Variants in PAN3 observed in about 807,000 individuals in gnomAD.
PAN3 encodes PAN2-PAN3 deadenylation complex subunit PAN3.
A neutral mutation model predicts 96.2 loss-of-function variants in PAN3; 19 were observed. That is an observed-to-expected ratio of 0.20 (90% CI 0.14 to 0.29). The LOEUF is 0.29. Among genes scored for constraint, PAN3 ranks in the 10% least tolerant of loss-of-function variants. The pLI is 1.00. For missense variants in PAN3, 882 were observed against 1,108.1 expected (o/e 0.80, Z 2.90); for synonymous variants, 433 against 406.6 (o/e 1.06, Z -0.78).
At chr13:28,246,508 T>C (rs1170290911) in intron 6 of PAN3, among the ~76,000 whole-genome samples, 1 of 152,132 alleles carries the variant, frequency 6.6e-6, no homozygotes, top group Non-Finnish European at 1.5e-5. Context: ...CCTCCTATAC[T>C]ATTGAACCCT....
At chr13:28,204,491 T>A (rs182224031) in intron 5 of PAN3, among the ~76,000 whole-genome samples, 5 of 152,290 alleles carry the variant, frequency 3.3e-5, no homozygotes, top group Non-Finnish European at 7.4e-5. Flanking sequence ...TCTCCTAAAG[T>A]TGATGTTTGT....
chr13:28,220,630 G>T (rs1266558493), intron 6 of PAN3, among the ~76,000 whole-genome samples: 3 of 152,146 alleles, frequency 2.0e-5, no homozygotes, highest in African/African-American at 7.2e-5. Context: ...AGGGGAAATG[G>T]TTATTTAGGA....
chr13:28,277,003 T>A (rs1021207379), intron 14 of PAN3, among the ~76,000 whole-genome samples: 1 of 152,136 alleles, frequency 6.6e-6, no homozygotes, highest in Non-Finnish European at 1.5e-5. Context: ...ATTACCTGGG[T>A]GCTTTAAAAA....
At chr13:28,211,831 G>A (rs187624311) in intron 5 of PAN3, among the ~76,000 whole-genome samples, 52 of 152,286 alleles carry the variant, frequency 3.4e-4, no homozygotes, top group African/African-American at 1.2e-3. Context: ...CTGAGAGATG[G>A]AAAACAAATG....
chr13:28,248,940 T>A lies in PAN3; in HGVS notation c.1001-7352T>A, dbSNP rs1415945084. Among the ~76,000 whole-genome samples the A allele has an allele frequency of 2.0e-5, 3 of 152,224 alleles. No homozygotes were observed. The South Asian group carries it at 6.2e-4, about 31-fold the overall frequency. ...AGGGATGTTAAATATTGGCAAATAT[T>A]TTTTTCAACATCTGTTGAACTGACC... On this transcript the variant is annotated intron_variant, in intron 6 of 18. Coordinates refer to ENST00000380958, the MANE Select transcript of PAN3 (RefSeq NM_175854.8).
intron 5 of PAN3, among the ~76,000 whole-genome samples, chr13:28,212,571 A>G (rs752736181): frequency 2.6e-5 from 4 of 152,262 alleles, no homozygotes; most frequent in Non-Finnish European, 5.9e-5. Flanking sequence ...AATAATTATT[A>G]TAACTGTATT....
intron 18 of PAN3, among the ~76,000 whole-genome samples, chr13:28,289,806 C>T (rs1255290318): frequency 2.0e-5 from 3 of 152,044 alleles, no homozygotes; most frequent in East Asian, 3.9e-4. Context: ...GGCGTGAACC[C>T]GGGAGGCGGA....
chr13:28,177,789 T>C (rs1875228861), intron 3 of PAN3, 76 bp from the exon 4 acceptor site: 1 of 1,160,692 alleles, frequency 8.6e-7, no homozygotes, highest in African/African-American at 1.5e-5. Flanking sequence ...TTATAGGCAT[T>C]GTCAAATTAA....
intron 1 of PAN3, among the ~76,000 whole-genome samples, chr13:28,173,437 TA>T (rs1874560532): frequency 6.6e-6 from 1 of 152,206 alleles, no homozygotes; most frequent in Non-Finnish European, 1.5e-5. Flanking sequence ...TTTTTGTAAT[TA>T]TAAATGCAGT....
chr13:28,165,638 A>C (rs923835813), intron 1 of PAN3, among the ~76,000 whole-genome samples: 1 of 152,128 alleles, frequency 6.6e-6, no homozygotes, highest in Non-Finnish European at 1.5e-5. Context: ...TTATTATTCT[A>C]TAGTGTCTTA....
intron 5 of PAN3, among the ~76,000 whole-genome samples, chr13:28,218,313 G>C (rs564302868): frequency 6.6e-6 from 1 of 151,900 alleles, no homozygotes; most frequent in African/African-American, 2.4e-5. Flanking sequence ...GTGTGCTGTT[G>C]TACCTGAATC....
At chr13:28,174,416 T>C (rs1239418372) in intron 2 of PAN3, 23 bp downstream of exon 2, 1 of 1,608,784 alleles carries the variant, frequency 6.2e-7, no homozygotes, top group Non-Finnish European at 8.5e-7. Context: ...TAAATTCATA[T>C]TGCACTATGA....
chr13:28,283,615 C>T (rs893123940), intron 17 of PAN3, among the ~76,000 whole-genome samples: 3 of 152,038 alleles, frequency 2.0e-5, no homozygotes, highest in Non-Finnish European at 2.9e-5. Flanking sequence ...ATCATAACAG[C>T]GTGTTTTAGA....
chr13:28,281,766 C>CTTTTT (rs10707261), intron 17 of PAN3, among the ~76,000 whole-genome samples: 20 of 114,962 alleles, frequency 1.7e-4, no homozygotes, highest in Non-Finnish European at 1.8e-4. Context: ...TTAAAGCACA[C>CTTTTT]TTTTTTTTTT....
chr13:28,146,269 C>T (rs995344536), intron 1 of PAN3, among the ~76,000 whole-genome samples: 23 of 149,820 alleles, frequency 1.5e-4, no homozygotes, highest in Non-Finnish European at 1.5e-4. Context: ...ACCATATATA[C>T]CTAAATATAT....
intron 6 of PAN3, among the ~76,000 whole-genome samples, chr13:28,254,989 G>A (rs902209413): frequency 3.3e-5 from 5 of 152,046 alleles, no homozygotes; most frequent in Admixed American, 2.6e-4. Flanking sequence ...AAGTACAGAG[G>A]GCTATCCAAA....
At position 28,149,216 on chromosome 13, in the gene PAN3, C is replaced by T. The variant is rs145780601; in HGVS notation, c.430+10129C>T. ...CTAAAAATAAAAAAAATTAGCTAGG[C>T]TTGGTGGTGCACCTGTAGTCCCAGC... On this transcript the variant is annotated intron_variant, in intron 1 of 18. Coordinates refer to ENST00000380958, the MANE Select transcript of PAN3 (RefSeq NM_175854.8). Among the ~76,000 whole-genome samples the T allele has an allele frequency of 1.4e-3, 219 of 152,124 alleles. 1 individual carries two copies. The highest frequency in any genetic ancestry group is 4.8e-3 in the African/African-American group (201 of 41,500).
At chr13:28,171,680 G>A (rs1281214132) in intron 1 of PAN3, among the ~76,000 whole-genome samples, 4 of 152,212 alleles carry the variant, frequency 2.6e-5, no homozygotes, top group African/African-American at 9.7e-5. Context: ...GAGTTGGGGT[G>A]TGCCACCCTC....
Position 28,270,204 on chromosome 13 carries a change from A to G in PAN3, c.1793-497A>G, listed in dbSNP as rs1315720076. Among the ~76,000 whole-genome samples, 6 of 152,258 alleles carry G rather than the reference A, an allele frequency of 3.9e-5. No individual in the cohort carries two copies. In the East Asian group the frequency reaches 1.2e-3, roughly 29 times the overall value. On this transcript the variant is annotated intron_variant, in intron 12 of 18. Coordinates refer to ENST00000380958, the MANE Select transcript of PAN3 (RefSeq NM_175854.8). Reference sequence around the variant, plus strand: ...AAAAACCACTTAATGAGTTGATAGAATCCACCTTTGTGGTAGAGGGGCCTG... The same window carrying G: ...AAAAACCACTTAATGAGTTGATAGAGTCCACCTTTGTGGTAGAGGGGCCTG...
Sources: allele counts gnomAD v4.1 joint callset (sites outside exome capture counted in the v4.1 genomes callset), GRCh38; gene constraint gnomAD v4.1.1; transcripts MANE v1.5; gene names NCBI Gene and HGNC (gene_info 2026-07-23, HGNC 2026-07-21).